Variants in SYNJ2 observed in about 807,000 individuals in gnomAD.
SYNJ2 encodes polyphosphatidylinositol phosphatase SYNJ2.
SYNJ2 carries 116 observed loss-of-function variants against 141.3 expected under a neutral mutation model. The ratio of observed to expected loss-of-function variants is 0.82; its 90% CI spans 0.71 to 0.96. The LOEUF is 0.96. Ranked by LOEUF, SYNJ2 falls within the 40% of genes least tolerant of loss-of-function variation. The pLI, the probability that SYNJ2 is intolerant of heterozygous loss-of-function variation, is 0.00. For missense variants in SYNJ2, 1,873 were observed against 1,934.8 expected (o/e 0.97, Z 0.60); for synonymous variants, 745 against 777.7 (o/e 0.96, Z 0.70).
In SYNJ2 at chr6:157,988,877, G is replaced by A. The variant is rs145398370; in HGVS notation, c.127+6789G>A. 4.0e-3 allele frequency among the ~76,000 whole-genome samples: 612 copies of A among 152,270 alleles called. 2 individuals are homozygous for A. Among genetic ancestry groups the A allele is most frequent in the Non-Finnish European group, 6.8e-3 (463 of 68,028 alleles). Reference sequence around the variant, plus strand: ...GCGGTGCCATCAACCACACACTGTGGACAGGAGGCTGTCAGTGGGCAGGCT... The same window carrying A: ...GCGGTGCCATCAACCACACACTGTGAACAGGAGGCTGTCAGTGGGCAGGCT... On this transcript the variant is annotated intron_variant, in intron 1 of 26. Coordinates refer to ENST00000355585, the MANE Select transcript of SYNJ2 (RefSeq NM_003898.4).
chr6:158,070,284 C>T lies in SYNJ2; in HGVS notation c.1940+611C>T, dbSNP rs1426636712. On this transcript the variant is annotated intron_variant, in intron 14 of 26. Transcript: ENST00000355585. The surrounding 1 kb of genome is among the most constrained non-coding windows in gnomAD (Gnocchi z 4.0). ...TTTTGAATTTCCACCAGCCTTTCGG[C>T]GAGCTGGCAGCAGGCGTTGAACTGA... 7 of 985,512 alleles carry T rather than the reference C, an allele frequency of 7.1e-6. No individual in the cohort carries two copies. The highest frequency in any genetic ancestry group is 3.5e-5 in the African/African-American group (2 of 57,346). 61.0% of individuals were successfully genotyped at this position (985,512 alleles called of 1,614,324 possible). A position where few individuals can be genotyped will look rare whatever the true frequency, so the allele number is the denominator to read the frequency against.
rs3749847 is a variant in SYNJ2, at chr6:158,095,875, G to T, written c.4002G>T (p.Pro1334=). The T allele has an allele frequency of 3.9e-5, 63 of 1,613,978 alleles. No homozygotes were observed. In the East Asian group the frequency reaches 1.4e-3, roughly 35 times the overall value. The change falls in exon 27 of 27, where the codon CCG becomes CCT. Residue 1334 remains proline (P), a synonymous_variant. Coordinates refer to ENST00000355585, the MANE Select transcript of SYNJ2 (RefSeq NM_003898.4). ...CGCCTCTTGTGCCCAAGGTACCCCC[G>T]AGGAGGAAGAAGTCAGCCCCCGCAG... ...EAPPLVPKVP[P]RRKKSAPAAF...
intron 1 of SYNJ2, among the ~76,000 whole-genome samples, chr6:158,006,865 G>T (rs1037325838): frequency 1.4e-5 from 2 of 143,752 alleles, no homozygotes; most frequent in Non-Finnish European, 3.0e-5. Context: ...TGGAGGTGGG[G>T]TTTCACCATG....
chr6:158,083,977 T>C (rs1458939311), intron 21 of SYNJ2, 24 bp from the exon 22 acceptor site: 8 of 1,613,298 alleles, frequency 5.0e-6, no homozygotes, highest in Non-Finnish European at 6.8e-6. Flanking sequence ...TTCACCCGAA[T>C]TGTGATTCAT....
intron 2 of SYNJ2, 111 bp downstream of exon 2, chr6:158,017,401 T>C: frequency 2.6e-5 from 20 of 765,502 alleles, no homozygotes; most frequent in Non-Finnish European, 3.6e-5. Context: ...CTTCTCTCTC[T>C]CTTCTTTTTT....
chr6:158,082,487 CAAAAAAAAAAAA>C (rs769884420), intron 20 of SYNJ2, among the ~76,000 whole-genome samples: 8 of 75,314 alleles, frequency 1.1e-4, no homozygotes, highest in Non-Finnish European at 1.7e-4. Context: ...ACTCTGTCTC[CAAAAAAAAAAAA>C]AAAAAAAAAA....
intron 5 of SYNJ2, among the ~76,000 whole-genome samples, chr6:158,054,460 TATGTATTTTAA>T (rs1780758035): frequency 6.6e-6 from 1 of 152,242 alleles, no homozygotes; most frequent in Non-Finnish European, 1.5e-5. Context: ...CCAGCAACAA[TATGTATTTTAA>T]ATGTATTTTC....
At chr6:158,069,724 T>C (rs760273318) in intron 14 of SYNJ2, 51 bp downstream of exon 14, 1 of 1,541,950 alleles carries the variant, frequency 6.5e-7, no homozygotes, top group Non-Finnish European at 8.8e-7. Context: ...TTGTTAGTCT[T>C]TGTGTTTTGT....
At position 157,981,877 on chromosome 6, in the gene SYNJ2, T is replaced by C; in HGVS notation, c.-85T>C. 1 of 1,160,910 alleles carries C rather than the reference T, an allele frequency of 8.6e-7. No individual in the cohort carries two copies. Among genetic ancestry groups the C allele is most frequent in the South Asian group, 4.3e-5 (1 of 23,052 alleles). 71.9% of individuals were successfully genotyped at this position (1,160,910 alleles called of 1,614,324 possible). On this transcript the variant is annotated 5_prime_UTR_variant, in exon 1 of 27. Coordinates refer to ENST00000355585, the MANE Select transcript of SYNJ2 (RefSeq NM_003898.4). The surrounding 1 kb of genome is among the most constrained non-coding windows in gnomAD (Gnocchi z 6.4). Reference sequence around the variant, plus strand: ...CGGCGCAAAGTGAAACTCTGGCAAGTTGCGGGCGCGCGGGGAGCTGTCGCG... The same window carrying C: ...CGGCGCAAAGTGAAACTCTGGCAAGCTGCGGGCGCGCGGGGAGCTGTCGCG...
At chr6:158,065,029 G>A in intron 11 of SYNJ2, 38 bp downstream of exon 11, 3 of 1,490,068 alleles carry the variant, frequency 2.0e-6, no homozygotes, top group Non-Finnish European at 2.7e-6. Context: ...CAGGGAGGTA[G>A]GGTGCTCCCC....
intron 23 of SYNJ2, among the ~76,000 whole-genome samples, chr6:158,087,593 T>C (rs1168538476): frequency 4.6e-5 from 7 of 152,200 alleles, no homozygotes; most frequent in Admixed American, 4.6e-4. Flanking sequence ...TGTTTACTTC[T>C]CCCTCCCCAA....
intron 7 of SYNJ2, among the ~76,000 whole-genome samples, chr6:158,061,638 G>A (rs988130270): frequency 1.3e-5 from 2 of 152,090 alleles, no homozygotes; most frequent in African/African-American, 2.4e-5. Flanking sequence ...GAGGGCCTGG[G>A]GCACCTGGGC....
Position 158,086,846 on chromosome 6 carries a change from G to T in SYNJ2, c.3209-9G>T. 6.2e-7 allele frequency: 1 copy of T among 1,611,414 alleles called. No individual in the cohort carries two copies. The highest frequency in any genetic ancestry group is 1.3e-5 in the African/African-American group (1 of 75,030). On this transcript the variant is annotated splice_polypyrimidine_tract_variant and intron_variant, in intron 22 of 26. Transcript: ENST00000355585. ...GACCATTGTACTCATGCCCCGCCAT[G>T]TCCTCCAGATGACGCGGACCTGGTG...
At chr6:158,093,862 A>T (rs1401962845) in intron 26 of SYNJ2, 1 of 764,090 alleles carries the variant, frequency 1.3e-6, no homozygotes, top group Admixed American at 1.7e-5. Context: ...GAGGTTCCAC[A>T]GCTTTTCTTG....
intron 2 of SYNJ2, among the ~76,000 whole-genome samples, chr6:158,025,007 G>A (rs754978067): frequency 3.9e-5 from 6 of 152,346 alleles, no homozygotes; most frequent in Admixed American, 1.3e-4. Flanking sequence ...GGCAGGGAAC[G>A]CTGTCTGAGT....
intron 1 of SYNJ2, among the ~76,000 whole-genome samples, chr6:158,010,910 C>T (rs535750224): frequency 1.9e-4 from 26 of 133,922 alleles, no homozygotes; most frequent in East Asian, 1.3e-3. Flanking sequence ...AGGATGGCCT[C>T]GTGATGACAG....
rs768909311 is a variant in SYNJ2, at chr6:158,089,849, G to A, written c.3467G>A (p.Arg1156Gln). 13 of 1,613,464 alleles carry A rather than the reference G, an allele frequency of 8.1e-6. No homozygotes were observed. The East Asian group carries it at 8.9e-5, about 11-fold the overall frequency. The change falls in exon 25 of 27, where the codon CGG becomes CAG. Residue 1156 changes from arginine to glutamine, a missense_variant. Arg to Gln is a conservative substitution (Grantham distance 43). Coordinates refer to ENST00000355585, the MANE Select transcript of SYNJ2 (RefSeq NM_003898.4). ...PGAPQQPPKA[R>Q]TGISKPYNVK... ...CATTCTGTCCTCAAGCCCAAGGCTC[G>A]GACTGGAATAAGTAAACCTTATAAT... is the stretch of plus-strand genomic sequence containing the variant.
At chr6:158,059,145 G>A in intron 6 of SYNJ2, 112 bp from the exon 7 acceptor site, 1 of 1,160,726 alleles carries the variant, frequency 8.6e-7, no homozygotes, top group Non-Finnish European at 1.2e-6. Flanking sequence ...GTCCTGGACT[G>A]TGGCACTAAG....
At chr6:158,051,930 T>G (rs1337299350) in intron 5 of SYNJ2, among the ~76,000 whole-genome samples, 2 of 150,174 alleles carry the variant, frequency 1.3e-5, no homozygotes, top group Non-Finnish European at 3.0e-5. Flanking sequence ...CACTCCAGCC[T>G]GGGCAACAGA....
Sources: gnomAD v4.1 joint callset for allele counts (sites outside exome capture counted in the v4.1 genomes callset) on GRCh38, gnomAD v4.1.1 for gene constraint, Gnocchi (gnomAD v3.1) non-coding constraint, MANE v1.5 for transcripts, NCBI Gene and HGNC (gene_info 2026-07-23, HGNC 2026-07-21) for gene names.